BMAL1: variants seen among roughly 807,000 people sequenced by gnomAD.
BMAL1 encodes the protein basic helix-loop-helix ARNT-like protein 1.
the BMAL1 span, among the ~76,000 whole-genome samples, chr11:13,324,562 C>T: frequency 6.6e-6 from 1 of 152,224 alleles, no homozygotes; most frequent in East Asian, 1.9e-4. Flanking sequence ...ACCATTCTGT[C>T]CTACCTCGCT....
chr11:13,333,930 G>T, the BMAL1 span, among the ~76,000 whole-genome samples: 1 of 152,224 alleles, frequency 6.6e-6, no homozygotes, highest in South Asian at 2.1e-4. Context: ...CCCTCCACAA[G>T]GTTTATGTTC....
At chr11:13,325,657 T>TTGTGTA in the BMAL1 span, among the ~76,000 whole-genome samples, 1 of 134,348 alleles carries the variant, frequency 7.4e-6, no homozygotes, top group African/African-American at 2.9e-5. Context: ...TTGAGACCTT[T>TTGTGTA]TGTGTGTGTG....
chr11:13,348,793 G>A, the BMAL1 span, among the ~76,000 whole-genome samples: 1 of 152,206 alleles, frequency 6.6e-6, no homozygotes, highest in Admixed American at 6.5e-5. Context: ...AGACTGCAAT[G>A]GGGAATGAAT....
At chr11:13,292,463 C>T in the BMAL1 span, among the ~76,000 whole-genome samples, 5 of 151,280 alleles carry the variant, frequency 3.3e-5, no homozygotes, top group African/African-American at 9.7e-5. Flanking sequence ...AGGAGAATGG[C>T]GTGAACCTGG....
At chr11:13,357,600 T>G in the BMAL1 span, among the ~76,000 whole-genome samples, 1 of 152,224 alleles carries the variant, frequency 6.6e-6, no homozygotes, top group Non-Finnish European at 1.5e-5. The surrounding 1 kb of genome is among the most constrained non-coding windows in gnomAD (Gnocchi z 4.8). Context: ...TCCTCAGTTC[T>G]TCTGCCGTTA....
chr11:13,380,011 G>T, the BMAL1 span: 1 of 152,246 alleles, frequency 6.6e-6, no homozygotes, highest in South Asian at 2.1e-4. Flanking sequence ...CAGGAATGAG[G>T]CCTTATCCTA....
the BMAL1 span, among the ~76,000 whole-genome samples, chr11:13,370,170 A>G: frequency 6.6e-6 from 1 of 152,002 alleles, no homozygotes; most frequent in Non-Finnish European, 1.5e-5. Flanking sequence ...CTTCTCCTGG[A>G]TTCCATGAAA....
chr11:13,334,765 A>G, the BMAL1 span, among the ~76,000 whole-genome samples: 15 of 152,148 alleles, frequency 9.9e-5, no homozygotes, highest in Non-Finnish European at 1.9e-4. Context: ...GGTGCCAAAT[A>G]CACATTCTCC....
the BMAL1 span, among the ~76,000 whole-genome samples, chr11:13,301,995 C>T: frequency 0.013 from 2,003 of 152,246 alleles, 42 homozygotes; most frequent in African/African-American, 0.045. Flanking sequence ...AAAGAACAGT[C>T]ACTAGAATCA....
At chr11:13,355,424 C>T in the BMAL1 span, 3 of 940,954 alleles carry the variant, frequency 3.2e-6, no homozygotes, top group South Asian at 4.2e-5. Flanking sequence ...GGCCACAAAC[C>T]CTTTGTCTTG....
the BMAL1 span, among the ~76,000 whole-genome samples, chr11:13,291,438 G>T: frequency 1.5e-4 from 23 of 152,170 alleles, no homozygotes; most frequent in Non-Finnish European, 3.1e-4. Flanking sequence ...GTGATGGAAG[G>T]GATAAGTAGA....
the BMAL1 span, chr11:13,365,698 C>A: frequency 1.2e-6 from 1 of 835,338 alleles, no homozygotes. Flanking sequence ...TGAACTTCTT[C>A]CAGAAAATTC....
the BMAL1 span, among the ~76,000 whole-genome samples, chr11:13,320,463 C>G: frequency 6.6e-6 from 1 of 152,186 alleles, no homozygotes; most frequent in East Asian, 1.9e-4. Flanking sequence ...GGGTTCAAAT[C>G]CTGACATCAT....
At chr11:13,367,983 A>G in the BMAL1 span, among the ~76,000 whole-genome samples, 4 of 152,338 alleles carry the variant, frequency 2.6e-5, no homozygotes, top group South Asian at 6.2e-4. Context: ...TAATCCCTGG[A>G]AAAAAATACC....
chr11:13,385,712 C>T, the BMAL1 span: 10 of 1,613,162 alleles, frequency 6.2e-6, no homozygotes, highest in South Asian at 1.1e-5. Context: ...GGACTCCAGA[C>T]ATTCCTTCCA....
chr11:13,293,406 A>G, the BMAL1 span, among the ~76,000 whole-genome samples: 2 of 152,240 alleles, frequency 1.3e-5, no homozygotes, highest in African/African-American at 2.4e-5. Flanking sequence ...GATAATGGCA[A>G]TAACAGTGAT....
chr11:13,329,448 C>T, the BMAL1 span, among the ~76,000 whole-genome samples: 1,855 of 152,232 alleles, frequency 0.012, 13 homozygotes, highest in Non-Finnish European at 0.017. Flanking sequence ...GTCTCAGGGC[C>T]AATATGGACG....
the BMAL1 span, among the ~76,000 whole-genome samples, chr11:13,284,134 A>G: frequency 1.4e-5 from 1 of 71,946 alleles, no homozygotes; most frequent in African/African-American, 4.7e-5. Context: ...GTGTGTATAT[A>G]TATATATATG....
chr11:13,357,047 C>T, the BMAL1 span: 1 of 1,614,172 alleles, frequency 6.2e-7, no homozygotes, highest in Non-Finnish European at 8.5e-7. The surrounding 1 kb of genome is among the most constrained non-coding windows in gnomAD (Gnocchi z 4.8). Flanking sequence ...GCTTTTTCCT[C>T]CCCCCAGGTT....
Sources: gnomAD v4.1 joint callset for allele counts (sites outside exome capture counted in the v4.1 genomes callset) on GRCh38, gnomAD v4.1.1 for gene constraint, Gnocchi (gnomAD v3.1) non-coding constraint, MANE v1.5 for transcripts, NCBI Gene and HGNC (gene_info 2026-07-23, HGNC 2026-07-21) for gene names.